The following HDAC9 variants were observed in gnomAD, a reference collection of about 807,000 sequenced individuals.
HDAC9 encodes the protein histone deacetylase 9, also known as MEF-2 interacting transcription repressor (MITR) protein.
In HDAC9, 41 loss-of-function variants were observed where a neutral mutation model predicts 139.4. The ratio of observed to expected loss-of-function variants is 0.29; its 90% CI spans 0.23 to 0.38. The LOEUF (loss-of-function observed/expected upper bound fraction) is 0.38. HDAC9 is among the 10% of genes least tolerant of loss of function. HDAC9 has a pLI of 1.00. For missense variants in HDAC9, 1,147 were observed against 1,297.0 expected, an observed-to-expected ratio of 0.88 and a Z score of 1.78; for synonymous variants, 517 against 476.2, an observed-to-expected ratio of 1.09 and a Z score of -1.12.
chr7:18,667,995 A>G (rs978774353), intron 12 of HDAC9: 19 of 973,000 alleles, frequency 2.0e-5, no homozygotes, highest in Admixed American at 1.2e-4. Context: ...AATCCGAGGT[A>G]TTTCAAGGTG....
chr7:18,735,861 C>T (rs1019120306), intron 13 of HDAC9, among the ~76,000 whole-genome samples: 3 of 152,322 alleles, frequency 2.0e-5, no homozygotes, highest in Middle Eastern at 3.4e-3. Flanking sequence ...TCTTCCTAAC[C>T]ATGAGCATAG....
chr7:18,944,505 A>T (rs1259645999), intron 23 of HDAC9, among the ~76,000 whole-genome samples: 1 of 152,164 alleles, frequency 6.6e-6, no homozygotes, highest in South Asian at 2.1e-4. Flanking sequence ...ATTCTCTTAC[A>T]TCACAGTGCT....
chr7:18,544,290 CT>C (rs1428105254), intron 2 of HDAC9, among the ~76,000 whole-genome samples: 1 of 152,144 alleles, frequency 6.6e-6, no homozygotes, highest in Admixed American at 6.5e-5. Flanking sequence ...AAAGCTAAGC[CT>C]CAAGGACAAC....
At chr7:18,247,315 A>G (rs302149) in intron 2 of HDAC9, among the ~76,000 whole-genome samples, 6,407 of 152,126 alleles carry the variant, frequency 0.042, 194 homozygotes, top group African/African-American at 0.073. Flanking sequence ...ACTGGGGCAT[A>G]TTCTCCTTTA....
At chr7:18,436,512 G>T (rs1337588541) in intron 1 of HDAC9, among the ~76,000 whole-genome samples, 1 of 152,124 alleles carries the variant, frequency 6.6e-6, no homozygotes, top group Non-Finnish European at 1.5e-5. Flanking sequence ...GAATCCATCT[G>T]TCTTAATGAT....
intron 1 of HDAC9, among the ~76,000 whole-genome samples, chr7:18,481,566 TC>T (rs544697500): frequency 6.6e-6 from 1 of 152,218 alleles, no homozygotes; most frequent in Non-Finnish European, 1.5e-5. Context: ...GGTATTTTTG[TC>T]TTCAGTAGTC....
At chr7:18,969,073 C>CA (rs1563094348) in intron 24 of HDAC9, among the ~76,000 whole-genome samples, 1 of 151,154 alleles carries the variant, frequency 6.6e-6, no homozygotes, top group Non-Finnish European at 1.5e-5. Context: ...CACACACACA[C>CA]ACGTGCGCGC....
Position 18,644,665 on chromosome 7 carries a change from T to TA in HDAC9, c.913-4dup, listed in dbSNP as rs773886106. On this transcript the variant is annotated splice_polypyrimidine_tract_variant and splice_region_variant and intron_variant, in intron 8 of 25. Transcript: ENST00000686413. ...GTATTTTGAGACTCTCCTCTTTTTT[T>TA]AACAGCAAATGGTTTCACAGCAACG... 2.6e-4 allele frequency: 411 copies of TA among 1,605,720 alleles called. No individual in the cohort carries two copies. Among genetic ancestry groups the TA allele is most frequent in the Non-Finnish European group, 3.3e-4 (385 of 1,176,042 alleles).
intron 1 of HDAC9, among the ~76,000 whole-genome samples, chr7:18,450,830 T>A (rs1467389572): frequency 1.3e-5 from 2 of 149,748 alleles, no homozygotes; most frequent in Non-Finnish European, 2.9e-5. Flanking sequence ...AGGAAAGGAG[T>A]GTTTGTTTAG....
intron 1 of HDAC9, among the ~76,000 whole-genome samples, chr7:18,136,267 G>A (rs1221879557): frequency 6.9e-4 from 104 of 151,208 alleles, no homozygotes; most frequent in African/African-American, 2.3e-3. Flanking sequence ...TGTTCACTCT[G>A]ATGGTAGTTT....
intron 2 of HDAC9, among the ~76,000 whole-genome samples, chr7:18,238,712 T>A (rs1274549721): frequency 4.6e-5 from 7 of 152,098 alleles, no homozygotes; most frequent in Admixed American, 2.6e-4. Context: ...GAAGCCAGGA[T>A]TAAGTAGCAC....
chr7:18,843,608 C>T (rs1796722806), intron 21 of HDAC9, among the ~76,000 whole-genome samples: 1 of 151,980 alleles, frequency 6.6e-6, no homozygotes, highest in Non-Finnish European at 1.5e-5. Flanking sequence ...TCCTTTACTT[C>T]ATTGAACAGC....
intron 24 of HDAC9, among the ~76,000 whole-genome samples, chr7:18,957,461 A>G (rs1348728137): frequency 6.6e-6 from 1 of 152,080 alleles, no homozygotes. Flanking sequence ...TCACTGTTTT[A>G]TAACCAATGC....
intron 1 of HDAC9, among the ~76,000 whole-genome samples, chr7:18,389,567 G>C (rs939379359): frequency 6.6e-6 from 1 of 152,176 alleles, no homozygotes; most frequent in Non-Finnish European, 1.5e-5. Flanking sequence ...AGACAAGGTT[G>C]TCACTTTACC....
chr7:18,255,138 G>A (rs1283169050), intron 2 of HDAC9, among the ~76,000 whole-genome samples: 3 of 152,114 alleles, frequency 2.0e-5, no homozygotes, highest in African/African-American at 7.2e-5. Context: ...AGACTAAGTT[G>A]TTGTTGGTAG....
At chr7:18,849,686 A>G (rs1797143837) in intron 21 of HDAC9, among the ~76,000 whole-genome samples, 2 of 152,208 alleles carry the variant, frequency 1.3e-5, no homozygotes, top group Non-Finnish European at 2.9e-5. Context: ...GTTATTCATA[A>G]CTACATTTTG....
chr7:18,524,411 C>T (rs1334517370), intron 2 of HDAC9, among the ~76,000 whole-genome samples: 2 of 152,068 alleles, frequency 1.3e-5, no homozygotes, highest in African/African-American at 4.8e-5. Context: ...CAGCCATCGA[C>T]TTTGTGATGA....
chr7:18,436,080 A>G (rs1291750722), intron 1 of HDAC9, among the ~76,000 whole-genome samples: 2 of 151,838 alleles, frequency 1.3e-5, no homozygotes, highest in African/African-American at 4.8e-5. Context: ...GGCCTCCCAA[A>G]GTACTGGGAT....
At chr7:18,843,100 T>C (rs971265206) in intron 21 of HDAC9, among the ~76,000 whole-genome samples, 3 of 152,132 alleles carry the variant, frequency 2.0e-5, no homozygotes, top group Non-Finnish European at 2.9e-5. Context: ...TTTTCTGGAA[T>C]CTGTATAGCA....
Sources: allele counts gnomAD v4.1 joint callset (sites outside exome capture counted in the v4.1 genomes callset), GRCh38; gene constraint gnomAD v4.1.1; transcripts MANE v1.5; gene names NCBI Gene and HGNC (gene_info 2026-07-23, HGNC 2026-07-21).